WDR20: variants seen among roughly 807,000 people sequenced by gnomAD.
WDR20 encodes the protein WD repeat domain 20, also known as WD repeat-containing protein 20.
In WDR20, 3 loss-of-function variants were observed where a neutral mutation model predicts 38.7. The ratio of observed to expected loss-of-function variants is 0.08; its 90% CI spans 0.04 to 0.20. The LOEUF (loss-of-function observed/expected upper bound fraction) is 0.20, where lower values mean the gene tolerates loss of function less well. Among genes scored for constraint, WDR20 ranks in the 10% least tolerant of loss-of-function variants. The probability of loss-of-function intolerance (pLI) is 1.00; values close to 1 mark genes in which losing one functional copy is unlikely to be tolerated. For synonymous variants in WDR20, 298 were observed against 285.6 expected, an observed-to-expected ratio of 1.04 and a Z score of -0.44; for missense variants, 559 against 727.7, an observed-to-expected ratio of 0.77 and a Z score of 2.67.
In WDR20 at chr14:102,208,009, A is replaced by G. The variant is rs114601728; in HGVS notation, c.433-594A>G. On this transcript the variant is annotated intron_variant, in intron 2 of 2. Transcript: ENST00000342702. The surrounding 1 kb of genome is among the most constrained non-coding windows in gnomAD (Gnocchi z 5.6). ...CGGTGCATGGGAGTGAGGCGGCCTC[A>G]GTGGGCCCAGGCTCTGTTTTGGAGT... 4.6e-3 allele frequency among the ~76,000 whole-genome samples: 700 copies of G among 152,290 alleles called. 5 individuals are homozygous for G. The highest frequency in any genetic ancestry group is 0.016 in the African/African-American group (650 of 41,548).
At chr14:102,218,332 C>T (rs74082260), downstream of WDR20, among the ~76,000 whole-genome samples, 18,693 of 152,226 alleles carry the variant, frequency 0.12, 1,805 homozygotes, top group African/African-American at 0.28. Flanking sequence ...TTCTCTGACA[C>T]TCACAGGCCA....
intron 2 of WDR20, among the ~76,000 whole-genome samples, chr14:102,203,700 C>T (rs935433751): frequency 6.6e-6 from 1 of 152,306 alleles, no homozygotes; most frequent in South Asian, 2.1e-4. Flanking sequence ...CCCGAAACCC[C>T]ATCCCTCAGA....
chr14:102,169,888 G>A (rs954779831), intron 1 of WDR20, among the ~76,000 whole-genome samples: 1 of 152,054 alleles, frequency 6.6e-6, no homozygotes, highest in Non-Finnish European at 1.5e-5. Context: ...ACGTCTCATA[G>A]GCCTATTTTA....
At chr14:102,165,466 G>A (rs927365287) in intron 1 of WDR20, among the ~76,000 whole-genome samples, 32 of 151,804 alleles carry the variant, frequency 2.1e-4, no homozygotes, top group Admixed American at 6.6e-4. Flanking sequence ...AATTGAAAAC[G>A]TGTTCATCCT....
intron 2 of WDR20, among the ~76,000 whole-genome samples, chr14:102,200,456 A>AT (rs1460888139): frequency 3.9e-5 from 3 of 76,668 alleles, no homozygotes; most frequent in Non-Finnish European, 8.7e-5. Context: ...TTACTTTTTA[A>AT]ATTTTTTTTT....
At chr14:102,153,542 A>G (rs1051199562) in intron 1 of WDR20, among the ~76,000 whole-genome samples, 1 of 151,738 alleles carries the variant, frequency 6.6e-6, no homozygotes, top group Non-Finnish European at 1.5e-5. Flanking sequence ...TCCTAACCTC[A>G]TGATCTGCCC....
intron 1 of WDR20, among the ~76,000 whole-genome samples, chr14:102,151,114 G>A (rs1483459421): frequency 2.0e-5 from 3 of 151,040 alleles, no homozygotes; most frequent in Non-Finnish European, 4.4e-5. Flanking sequence ...GAGGATAAAT[G>A]CATAACTCTT....
intron 1 of WDR20, among the ~76,000 whole-genome samples, chr14:102,170,722 G>C (rs2060631204): frequency 6.6e-6 from 1 of 151,744 alleles, no homozygotes; most frequent in African/African-American, 2.4e-5. Context: ...TGTTGCCCAG[G>C]CTGGTCTGCG....
In WDR20 at chr14:102,209,980, A is replaced by G; in HGVS notation, c.*100A>G. 6.7e-7 allele frequency: 1 copy of G among 1,485,418 alleles called. No homozygotes were observed. The highest frequency in any genetic ancestry group is 8.9e-7 in the Non-Finnish European group (1 of 1,126,128). 92.0% of individuals were successfully genotyped at this position (1,485,418 alleles called of 1,614,324 possible). On this transcript the variant is annotated 3_prime_UTR_variant, in exon 3 of 3. Coordinates refer to ENST00000342702, the MANE Select transcript of WDR20 (RefSeq NM_144574.4). The surrounding 1 kb of genome is among the most constrained non-coding windows in gnomAD (Gnocchi z 6.0). ...ATGTGAATGACACTTCTTATTCTTAATGTAAATCTCAATGCATCAGAGCCA... is the reference window on the plus strand; with the variant it reads ...ATGTGAATGACACTTCTTATTCTTAGTGTAAATCTCAATGCATCAGAGCCA...
At chr14:102,223,101 C>T (rs2064103589) in exon 4 of WDR20, 1 of 457,760 alleles carries the variant, frequency 2.2e-6, no homozygotes, top group Non-Finnish European at 3.8e-6. Context: ...TTTGGGGCTG[C>T]AGTAAAAAAT....
rs1256157605 is a variant in WDR20, at chr14:102,221,605, C to T, written c.1693-1225C>T. 6.6e-6 allele frequency among the ~76,000 whole-genome samples: 1 copy of T among 152,166 alleles called. No homozygotes were observed. The highest frequency in any genetic ancestry group is 1.5e-5 in the Non-Finnish European group (1 of 68,032). On this transcript the variant is annotated intron_variant, in intron 3 of 3. Transcript: ENST00000335263. The surrounding 1 kb of genome is among the most constrained non-coding windows in gnomAD (Gnocchi z 4.8). The stretch of plus-strand genomic sequence containing the variant: ...TATAGACTCTGAGCAGGGGCAGCTG[C>T]CACATTCCGTTTGCTTCCTGAGCTT...
chr14:102,161,402 C>T (rs368799506), intron 1 of WDR20, among the ~76,000 whole-genome samples: 1 of 151,098 alleles, frequency 6.6e-6, no homozygotes, highest in Non-Finnish European at 1.5e-5. Flanking sequence ...TAGCTTCAGC[C>T]TCCTGGTCTC....
At chr14:102,186,977 A>G (rs2064965868) in intron 1 of WDR20, among the ~76,000 whole-genome samples, 1 of 152,006 alleles carries the variant, frequency 6.6e-6, no homozygotes, top group South Asian at 2.1e-4. Flanking sequence ...TCCACCAAGA[A>G]AACCTGCGGA....
chr14:102,220,869 A>G lies in WDR20; in HGVS notation c.1693-1961A>G. ...TTGCACCCTGCATCTCCTGGGCTCAAGCCATCCTCCTGCCACACAGCCTCC... is the reference window on the plus strand; with the variant it reads ...TTGCACCCTGCATCTCCTGGGCTCAGGCCATCCTCCTGCCACACAGCCTCC... On this transcript the variant is annotated intron_variant, in intron 3 of 3. Transcript: ENST00000335263. The surrounding 1 kb of genome is among the most constrained non-coding windows in gnomAD (Gnocchi z 4.2). 6.6e-6 allele frequency among the ~76,000 whole-genome samples: 1 copy of G among 152,048 alleles called. No homozygotes were observed. The highest frequency in any genetic ancestry group is 2.4e-5 in the African/African-American group (1 of 41,418).
chr14:102,148,669 T>TTG (rs10525828), intron 1 of WDR20, among the ~76,000 whole-genome samples: 4,264 of 144,832 alleles, frequency 0.029, 127 homozygotes, highest in African/African-American at 0.076. Flanking sequence ...GAGTTTGGCT[T>TTG]TGTGTGTGTG....
chr14:102,206,902 C>G (rs975646924), intron 2 of WDR20, among the ~76,000 whole-genome samples: 1 of 152,200 alleles, frequency 6.6e-6, no homozygotes, highest in African/African-American at 2.4e-5. Flanking sequence ...AAGCCCTGCT[C>G]TGGCCATGTA....
At chr14:102,198,211 CT>C in intron 2 of WDR20, 1 of 221,964 alleles carries the variant, frequency 4.5e-6, no homozygotes, top group Non-Finnish European at 9.6e-6. Flanking sequence ...TCACTGCAAC[CT>C]TCACCTCCCA....
intron 1 of WDR20, among the ~76,000 whole-genome samples, chr14:102,183,937 G>A (rs1042377043): frequency 3.3e-5 from 5 of 152,156 alleles, no homozygotes; most frequent in Non-Finnish European, 7.3e-5. Context: ...TTTCAGAAAG[G>A]CATAGAATTC....
At chr14:102,140,676 C>T (rs184657352) in intron 1 of WDR20, among the ~76,000 whole-genome samples, 109 of 152,326 alleles carry the variant, frequency 7.2e-4, no homozygotes, top group Non-Finnish European at 3.7e-4. Flanking sequence ...ACCTGCTCGG[C>T]ACGCAGGGCT....
Sources: allele counts gnomAD v4.1 joint callset (sites outside exome capture counted in the v4.1 genomes callset), GRCh38; gene constraint gnomAD v4.1.1; non-coding constraint Gnocchi (gnomAD v3.1); transcripts MANE v1.5; gene names NCBI Gene and HGNC (gene_info 2026-07-23, HGNC 2026-07-21).